Variants in LARS2 observed in about 807,000 individuals in gnomAD.
LARS2 encodes the protein leucine--tRNA ligase, mitochondrial.
Under a neutral mutation model 116.6 loss-of-function variants are expected in LARS2, and 81 were observed. The ratio of observed to expected loss-of-function variants is 0.69; its 90% CI spans 0.58 to 0.84. The LOEUF (loss-of-function observed/expected upper bound fraction) is 0.84. Among genes scored for constraint, LARS2 ranks in the 40% least tolerant of loss-of-function variants. The pLI, the probability that LARS2 is intolerant of heterozygous loss-of-function variation, is 0.00. For missense variants in LARS2, 968 were observed against 1,114.5 expected (o/e 0.87, Z 1.87); for synonymous variants, 396 against 407.2 (o/e 0.97, Z 0.33).
intron 7 of LARS2, among the ~76,000 whole-genome samples, chr3:45,448,564 G>C (rs1232572000): frequency 6.6e-6 from 1 of 152,182 alleles, no homozygotes; most frequent in Non-Finnish European, 1.5e-5. Flanking sequence ...TCAGAGCTGA[G>C]AGCCCCGAAC....
At chr3:45,533,372 G>A (rs1308267025) in intron 20 of LARS2, among the ~76,000 whole-genome samples, 13 of 151,654 alleles carry the variant, frequency 8.6e-5, no homozygotes, top group Non-Finnish European at 2.9e-5. Flanking sequence ...GGATGGTCTC[G>A]ATCTGACTTC....
chr3:45,523,044 G>A (rs1236767657), intron 19 of LARS2, among the ~76,000 whole-genome samples: 1 of 152,044 alleles, frequency 6.6e-6, no homozygotes, highest in African/African-American at 2.4e-5. Flanking sequence ...TTTCTAGGTT[G>A]TATAATTATG....
intron 16 of LARS2, among the ~76,000 whole-genome samples, chr3:45,514,065 G>T (rs1390717993): frequency 6.6e-6 from 1 of 152,124 alleles, no homozygotes; most frequent in East Asian, 1.9e-4. Context: ...AATGAGCCAG[G>T]CGTGGAGGCA....
chr3:45,469,478 T>C (rs764388955), intron 8 of LARS2, among the ~76,000 whole-genome samples: 3 of 152,122 alleles, frequency 2.0e-5, no homozygotes, highest in Non-Finnish European at 4.4e-5. Flanking sequence ...CCCGAGCAGC[T>C]GGGATTACAG....
chr3:45,482,162 C>T (rs1699713632), intron 10 of LARS2, among the ~76,000 whole-genome samples: 1 of 152,172 alleles, frequency 6.6e-6, no homozygotes, highest in Non-Finnish European at 1.5e-5. Context: ...TATCAGAAAA[C>T]ATTTCTGTGT....
intron 21 of LARS2, among the ~76,000 whole-genome samples, chr3:45,542,223 C>G (rs1347899260): frequency 1.3e-5 from 2 of 152,160 alleles, no homozygotes; most frequent in African/African-American, 4.8e-5. Flanking sequence ...ATAAACCTGG[C>G]CCGCCTTACA....
chr3:45,491,712 G>A lies in LARS2; in HGVS notation c.1435G>A (p.Val479Met), dbSNP rs369294976. Residue 479 changes from valine (V) to methionine (M), a missense_variant, in exon 13 of 22, where the codon GTG (valine) becomes ATG (methionine). By Grantham distance (21) the Val-to-Met change is conservative. Transcript: ENST00000645846. ...PTPVPLEDLPVTLPNIASFTG... is the reference protein window; with the variant it reads ...PTPVPLEDLPMTLPNIASFTG... Reference sequence around the variant, plus strand: ...ACCTGTGCCCCTGGAGGACTTGCCTGTGACCCTGCCCAACATCGCGTCTTT... The same window carrying A: ...ACCTGTGCCCCTGGAGGACTTGCCTATGACCCTGCCCAACATCGCGTCTTT... 6.2e-7 allele frequency: 1 copy of A among 1,613,946 alleles called. No individual in the cohort carries two copies.
intron 6 of LARS2, among the ~76,000 whole-genome samples, chr3:45,430,173 C>T (rs1417986712): frequency 6.6e-6 from 1 of 150,980 alleles, no homozygotes; most frequent in Non-Finnish European, 1.5e-5. Flanking sequence ...TGGGGTTTCA[C>T]TGTGTTAGCC....
intron 6 of LARS2, among the ~76,000 whole-genome samples, chr3:45,439,573 G>A (rs189325198): frequency 1.4e-4 from 21 of 150,670 alleles, no homozygotes; most frequent in Admixed American, 1.4e-3. Context: ...GCCTAATGAA[G>A]TTTATATATC....
intron 10 of LARS2, among the ~76,000 whole-genome samples, chr3:45,478,052 G>A (rs558394376): frequency 1.3e-5 from 2 of 152,254 alleles, no homozygotes; most frequent in South Asian, 4.2e-4. Context: ...TATGCCACTC[G>A]CCCCACACAA....
intron 4 of LARS2, among the ~76,000 whole-genome samples, chr3:45,415,876 TAGAGAGAGAGAGAGAGGG>T (rs58805532): frequency 0.096 from 6,623 of 68,716 alleles, 598 homozygotes; most frequent in African/African-American, 0.25. Flanking sequence ...TATATATATA[TAGAGAGAGAGAGAGAGGG>T]AGAGAGAGAG....
At chr3:45,469,694 G>T (rs1428684037) in intron 8 of LARS2, among the ~76,000 whole-genome samples, 2 of 152,010 alleles carry the variant, frequency 1.3e-5, no homozygotes, top group Admixed American at 6.6e-5. Flanking sequence ...CAGGACAGGG[G>T]ACTAGAGTGC....
intron 8 of LARS2, among the ~76,000 whole-genome samples, chr3:45,461,554 C>T (rs1480617045): frequency 6.6e-6 from 1 of 152,016 alleles, no homozygotes; most frequent in Non-Finnish European, 1.5e-5. Context: ...TAGGAAACCA[C>T]TAAAGGATTC....
Position 45,409,844 on chromosome 3 carries a change from G to GT in LARS2, c.364-7631dup, listed in dbSNP as rs1171339585. Among the ~76,000 whole-genome samples, 18 of 152,220 alleles carry GT rather than the reference G, an allele frequency of 1.2e-4. No individual in the cohort carries two copies. In the South Asian group the frequency reaches 2.3e-3, roughly 19 times the overall value. On this transcript the variant is annotated intron_variant, in intron 4 of 21. Coordinates refer to ENST00000645846, the MANE Select transcript of LARS2 (RefSeq NM_015340.4). Reference sequence around the variant, plus strand: ...GTTATTCTCTCTAGGGCAAACATTTGTTTTTTTGTTAATTTTTGGTAAGAA... The same window carrying GT: ...GTTATTCTCTCTAGGGCAAACATTTGTTTTTTTTGTTAATTTTTGGTAAGAA...
At chr3:45,518,191 T>A in intron 18 of LARS2, 119 bp downstream of exon 18, 1 of 693,392 alleles carries the variant, frequency 1.4e-6, no homozygotes, top group Non-Finnish European at 2.4e-6. Context: ...TCTTCCTTCC[T>A]GGCAATGGCG....
intron 7 of LARS2, among the ~76,000 whole-genome samples, chr3:45,447,555 C>T (rs545381222): frequency 2.6e-5 from 4 of 151,140 alleles, no homozygotes; most frequent in African/African-American, 4.8e-5. Flanking sequence ...GTGTGTCATA[C>T]GGTCACTTGC....
At chr3:45,393,482 G>A (rs998742773) in intron 2 of LARS2, among the ~76,000 whole-genome samples, 3 of 152,182 alleles carry the variant, frequency 2.0e-5, no homozygotes, top group African/African-American at 7.2e-5. Context: ...GGCTGAGGCA[G>A]GAGAATTGCT....
chr3:45,516,012 C>T, intron 16 of LARS2, 82 bp from the exon 17 acceptor site: 2 of 1,097,460 alleles, frequency 1.8e-6, no homozygotes, highest in East Asian at 2.5e-5. Flanking sequence ...ATCGCTCACC[C>T]AGTTTTTACT....
At chr3:45,473,195 A>G (rs1041454264) in intron 8 of LARS2, among the ~76,000 whole-genome samples, 1 of 152,220 alleles carries the variant, frequency 6.6e-6, no homozygotes, top group Non-Finnish European at 1.5e-5. Flanking sequence ...TGCAGCCTAC[A>G]CAATAACAAA....
Sources: gnomAD v4.1 joint callset for allele counts (sites outside exome capture counted in the v4.1 genomes callset) on GRCh38, gnomAD v4.1.1 for gene constraint, MANE v1.5 for transcripts, NCBI Gene and HGNC (gene_info 2026-07-23, HGNC 2026-07-21) for gene names.